Variants in GPR173 observed in about 807,000 individuals in gnomAD.
The protein encoded by GPR173 is probable G protein-coupled receptor 173.
GPR173 carries 2 observed loss-of-function variants against 13.9 expected under a neutral mutation model. That is an observed-to-expected ratio of 0.14 (90% CI 0.06 to 0.45). The LOEUF is 0.45. Ranked by LOEUF, GPR173 falls within the 20% of genes least tolerant of loss-of-function variation. The pLI is 0.98. For missense variants in GPR173, 202 were observed against 340.5 expected, an observed-to-expected ratio of 0.59 and a Z score of 3.20; for synonymous variants, 131 against 141.0, an observed-to-expected ratio of 0.93 and a Z score of 0.50.
rs1238290359 is a variant in GPR173, at chrX:53,076,865, T to G, written c.244T>G (p.Ser82Ala). 6.6e-6 allele frequency: 8 copies of G among 1,209,248 alleles called. No individual in the cohort carries two copies. The East Asian group carries it at 2.4e-4, about 36-fold the overall frequency. Residue 82 changes from serine to alanine, a missense_variant, in exon 2 of 2, where the codon TCT becomes GCT. Coordinates refer to ENST00000332582, the MANE Select transcript of GPR173 (RefSeq NM_018969.6). ...SAVCFPFVLA[S>A]VRHGSSWTFS... The stretch of plus-strand genomic sequence containing the variant: ...CGTCTGCTTCCCCTTTGTGCTGGCT[T>G]CTGTGCGCCACGGCTCTTCATGGAC...
chrX:53,059,216 T>TCCAGC lies in GPR173; in HGVS notation c.-98+9734_-98+9738dup, dbSNP rs1263189131. Among the ~76,000 whole-genome samples the TCCAGC allele has an allele frequency of 1.2e-4, 13 of 106,380 alleles. No homozygotes were observed. In the Admixed American group the frequency reaches 1.3e-3, roughly 11 times the overall value. 92.4% of individuals were successfully genotyped at this position (106,380 alleles called of 115,157 possible). On this transcript the variant is annotated intron_variant, in intron 1 of 1. Transcript: ENST00000332582. Reference sequence around the variant, plus strand: ...GTGAGCTGAGATCGCGCAACTGCACTCCAGCCTGGGCAACAGAGCAAGACT... The same window carrying TCCAGC: ...GTGAGCTGAGATCGCGCAACTGCACTCCAGCCCAGCCTGGGCAACAGAGCAAGACT...
intron 1 of GPR173, among the ~76,000 whole-genome samples, chrX:53,060,612 A>G (rs1447099834): frequency 1.9e-5 from 2 of 107,421 alleles, no homozygotes; most frequent in African/African-American, 6.7e-5. Context: ...CAGAAACCAC[A>G]GTGGGAAGGG....
Position 53,077,854 on chromosome X carries a change from C to A in GPR173, c.*111C>A. ...GGAGTCCTCCTTTCTGAGCTCCAGCCCCAGCCCCTCGAACCACCTGTAATC... is the reference window on the plus strand; with the variant it reads ...GGAGTCCTCCTTTCTGAGCTCCAGCACCAGCCCCTCGAACCACCTGTAATC... On this transcript the variant is annotated 3_prime_UTR_variant, in exon 2 of 2. Transcript: ENST00000332582. 1.7e-6 allele frequency: 1 copy of A among 603,000 alleles called. No homozygotes were observed. Among genetic ancestry groups the A allele is most frequent in the Non-Finnish European group, 2.6e-6 (1 of 385,908 alleles). The allele number at this position is 603,000 out of a possible 1,213,427, so 49.7% of individuals were successfully genotyped here.
rs1569220349 is a variant in GPR173 at position 53,052,632 on chromosome X, T to TGA, written c.-98+3149_-98+3150dup. Among the ~76,000 whole-genome samples, 776 of 106,879 alleles carry TGA rather than the reference T, an allele frequency of 7.3e-3. 11 individuals carry two copies. The highest frequency in any genetic ancestry group is 0.025 in the African/African-American group (734 of 28,795). 92.8% of individuals were successfully genotyped at this position (106,879 alleles called of 115,157 possible). On this transcript the variant is annotated intron_variant, in intron 1 of 1. Coordinates refer to ENST00000332582, the MANE Select transcript of GPR173 (RefSeq NM_018969.6). ...GTGTGTGTGTGTGTGTGTGTGTGTG[T>TGA]GAATATGCCTGTGTGTATGCCTGTA...
chrX:53,063,676 T>A (rs187776054), intron 1 of GPR173, among the ~76,000 whole-genome samples: 1 of 111,933 alleles, frequency 8.9e-6, no homozygotes, highest in East Asian at 2.8e-4. Context: ...TCTCAAACAT[T>A]TTGCTGCTTA....
At chrX:53,067,463 T>C (rs944306633) in intron 1 of GPR173, among the ~76,000 whole-genome samples, 1 of 112,154 alleles carries the variant, frequency 8.9e-6, no homozygotes. Context: ...AAATTCCAAA[T>C]CTTTCTATTG....
intron 1 of GPR173, among the ~76,000 whole-genome samples, chrX:53,071,847 CGTATGTGTGAGTGTGTGTGT>C (rs1478308893): frequency 9.0e-6 from 1 of 111,557 alleles, no homozygotes; most frequent in Non-Finnish European, 1.9e-5. Context: ...AGTGCGTGTG[CGTATGTGTGAGTGTGTGTGT>C]GTATGTGTGT....
intron 1 of GPR173, among the ~76,000 whole-genome samples, chrX:53,055,500 G>A (rs781961341): frequency 4.5e-5 from 5 of 110,421 alleles, no homozygotes; most frequent in Middle Eastern, 4.7e-3. Flanking sequence ...GAGTGCAGGC[G>A]TATACGTACT....
intron 1 of GPR173, among the ~76,000 whole-genome samples, chrX:53,064,881 T>C (rs1932168130): frequency 8.9e-6 from 1 of 111,845 alleles, no homozygotes; most frequent in Non-Finnish European, 1.9e-5. Context: ...CACTGTTGCA[T>C]TGGGGATTAA....
intron 1 of GPR173, among the ~76,000 whole-genome samples, chrX:53,075,452 G>A (rs1238460837): frequency 9.7e-6 from 1 of 103,215 alleles, no homozygotes; most frequent in East Asian, 2.9e-4. Flanking sequence ...TATCTAGAAT[G>A]TCGGTTCCAC....
Position 53,077,757 on chromosome X carries a change from G to A in GPR173, c.*14G>A, listed in dbSNP as rs782497072. On this transcript the variant is annotated 3_prime_UTR_variant, in exon 2 of 2. Coordinates refer to ENST00000332582, the MANE Select transcript of GPR173 (RefSeq NM_018969.6). Reference sequence around the variant, plus strand: ...TGTGTCATGTGAAGCAGGCTGGTAGGCAGACAGGCAGAGAGAAGGTCATGG... The same window carrying A: ...TGTGTCATGTGAAGCAGGCTGGTAGACAGACAGGCAGAGAGAAGGTCATGG... 5 of 1,187,946 alleles carry A rather than the reference G, an allele frequency of 4.2e-6. No homozygotes were observed. The highest frequency in any genetic ancestry group is 3.6e-5 in the South Asian group (2 of 55,000).
chrX:53,072,892 G>A (rs1169674241), intron 1 of GPR173, among the ~76,000 whole-genome samples: 1 of 111,143 alleles, frequency 9.0e-6, no homozygotes, highest in Non-Finnish European at 1.9e-5. Context: ...GTACTAGTTT[G>A]GCCTCCTGTC....
At chrX:53,073,837 TATA>T (rs1219328659) in intron 1 of GPR173, among the ~76,000 whole-genome samples, 1 of 65,347 alleles carries the variant, frequency 1.5e-5, no homozygotes, top group African/African-American at 5.9e-5. Flanking sequence ...AGTTTGTATA[TATA>T]ATTTTATATA....
At chrX:53,074,843 G>C (rs1244497796) in intron 1 of GPR173, among the ~76,000 whole-genome samples, 1 of 100,075 alleles carries the variant, frequency 1.0e-5, no homozygotes, top group Non-Finnish European at 2.0e-5. Context: ...AATTCTAGGA[G>C]GCAAAATAGG....
In GPR173 at chrX:53,077,973, C is replaced by T. The variant is rs897720610; in HGVS notation, c.*230C>T. On this transcript the variant is annotated 3_prime_UTR_variant, in exon 2 of 2. Transcript: ENST00000332582. ...GTTTTGTGGGGCCTGTCTCCGCTGC[C>T]TCCTTCTCCACTTCTACAATCTCAT... The T allele has an allele frequency of 9.9e-6, 4 of 405,457 alleles. No homozygotes were observed. The South Asian group carries it at 2.1e-4, about 22-fold the overall frequency. 33.4% of individuals were successfully genotyped at this position (405,457 alleles called of 1,213,427 possible).
chrX:53,058,505 A>C (rs1357422666), intron 1 of GPR173, among the ~76,000 whole-genome samples: 1 of 108,422 alleles, frequency 9.2e-6, no homozygotes, highest in Non-Finnish European at 1.9e-5. Context: ...TGTATTTATA[A>C]ACCTCAGTGG....
intron 1 of GPR173, among the ~76,000 whole-genome samples, chrX:53,056,301 T>C (rs903932591): frequency 2.7e-5 from 3 of 109,544 alleles, no homozygotes; most frequent in East Asian, 2.9e-4. Flanking sequence ...GTGTTGGGTA[T>C]ATGTATGAAA....
rs1190364739 is a variant in GPR173 at position 53,074,398 on chromosome X, A to C, written c.-97-2127A>C. Among the ~76,000 whole-genome samples the C allele has an allele frequency of 1.4e-4, 6 of 42,112 alleles. 1 individual carries two copies. Among genetic ancestry groups the C allele is most frequent in the Non-Finnish European group, 2.3e-4 (6 of 26,211 alleles). The allele number at this position is 42,112 out of a possible 115,157, so 36.6% of individuals were successfully genotyped here. A position where few individuals can be genotyped will look rare whatever the true frequency, so the allele number is the denominator to read the frequency against. ...AATAAATATATAAATATATATAAATATATATTTATATTTATATATAAATAA... is the reference window on the plus strand; with the variant it reads ...AATAAATATATAAATATATATAAATCTATATTTATATTTATATATAAATAA... On this transcript the variant is annotated intron_variant, in intron 1 of 1. Transcript: ENST00000332582.
In GPR173 at chrX:53,077,014, C is replaced by T. The variant is rs988319199; in HGVS notation, c.393C>T (p.Tyr131=). ...RYMAIAHHRF[Y]AKRMTLWTCA... is the part of the protein sequence containing the mutation. Reference sequence around the variant, plus strand: ...TGGCCATCGCCCACCACCGCTTCTACGCCAAGCGCATGACACTCTGGACAT... The same window carrying T: ...TGGCCATCGCCCACCACCGCTTCTATGCCAAGCGCATGACACTCTGGACAT... Residue 131 remains tyrosine, a synonymous_variant, in exon 2 of 2, where the codon TAC becomes TAT. Transcript: ENST00000332582. 1.3e-5 allele frequency: 16 copies of T among 1,209,278 alleles called. No homozygotes were observed. The highest frequency in any genetic ancestry group is 1.6e-5 in the Non-Finnish European group (14 of 894,850).
Sources: allele counts gnomAD v4.1 joint callset (sites outside exome capture counted in the v4.1 genomes callset), GRCh38; gene constraint gnomAD v4.1.1; transcripts MANE v1.5; gene names NCBI Gene and HGNC (gene_info 2026-07-23, HGNC 2026-07-21).